The following TXNL1 variants were observed in gnomAD, a reference collection of about 807,000 sequenced individuals.
The protein encoded by TXNL1 is thioredoxin-like protein 1.
TXNL1 carries 14 observed loss-of-function variants against 35.5 expected under a neutral mutation model. That is an observed-to-expected ratio of 0.39 (90% CI 0.26 to 0.62). The LOEUF is 0.62. TXNL1 is among the 20% of genes least tolerant of loss of function. The pLI is 0.47. For synonymous variants in TXNL1, 110 were observed against 115.5 expected (o/e 0.95, Z 0.31); for missense variants, 263 against 349.7 (o/e 0.75, Z 1.98).
intron 7 of TXNL1, among the ~76,000 whole-genome samples, chr18:56,606,471 T>A (rs2023895409): frequency 6.6e-6 from 1 of 152,204 alleles, no homozygotes. Context: ...ACATGTGACT[T>A]GTCCTTGAAC....
intron 3 of TXNL1, among the ~76,000 whole-genome samples, chr18:56,619,368 T>C (rs2024143520): frequency 6.6e-6 from 1 of 151,600 alleles, no homozygotes; most frequent in Non-Finnish European, 1.5e-5. Context: ...TGAAACTCTG[T>C]CTCTACTAAA....
intron 1 of TXNL1, among the ~76,000 whole-genome samples, chr18:56,632,115 ATTAGCT>A (rs1430067897): frequency 1.3e-5 from 2 of 152,166 alleles, no homozygotes; most frequent in Non-Finnish European, 2.9e-5. Flanking sequence ...TTGAAAGAGC[ATTAGCT>A]TCTTTTTAAT....
chr18:56,624,561 T>A, intron 2 of TXNL1, 100 bp from the exon 3 acceptor site: 1 of 1,276,486 alleles, frequency 7.8e-7, no homozygotes, highest in Non-Finnish European at 1.1e-6. Flanking sequence ...AAGCATGAAC[T>A]AAAAACATGT....
chr18:56,617,871 T>C, intron 4 of TXNL1, 133 bp downstream of exon 4: 1 of 1,225,508 alleles, frequency 8.2e-7, no homozygotes, highest in Non-Finnish European at 1.1e-6. Context: ...TCAAAGAAAC[T>C]AAAAGCTATA....
intron 5 of TXNL1, 146 bp from the exon 6 acceptor site, chr18:56,614,742 G>A (rs1017650247): frequency 4.2e-6 from 3 of 715,584 alleles, no homozygotes; most frequent in Admixed American, 3.4e-5. Context: ...TTGTACAAAA[G>A]TCTGAGTATT....
intron 3 of TXNL1, among the ~76,000 whole-genome samples, chr18:56,619,788 C>G (rs1258214622): frequency 6.6e-6 from 1 of 151,866 alleles, no homozygotes; most frequent in African/African-American, 2.4e-5. Flanking sequence ...TTCCAATGTT[C>G]CCTTATTAAG....
intron 6 of TXNL1, among the ~76,000 whole-genome samples, chr18:56,613,232 A>T (rs2024026277): frequency 6.6e-6 from 1 of 152,204 alleles, no homozygotes; most frequent in African/African-American, 2.4e-5. Flanking sequence ...CTTCTAATTT[A>T]CAAAAATAGA....
chr18:56,612,545 C>G (rs185505277), intron 6 of TXNL1, among the ~76,000 whole-genome samples: 1 of 152,100 alleles, frequency 6.6e-6, no homozygotes, highest in African/African-American at 2.4e-5. Context: ...AATATTGCAC[C>G]TATCTCTTTT....
intron 1 of TXNL1, among the ~76,000 whole-genome samples, chr18:56,626,797 C>CTTTTTTTTTTTTTTTTTTTTTTTTT (rs386387792): frequency 7.3e-5 from 4 of 55,010 alleles, no homozygotes; most frequent in African/African-American, 2.7e-4. Context: ...CCAAGCCGGT[C>CTTTTTTTTTTTTTTTTTTTTTTTTT]TTTTTTTTTT....
chr18:56,620,633 C>A (rs114866336), intron 3 of TXNL1, among the ~76,000 whole-genome samples: 1 of 152,158 alleles, frequency 6.6e-6, no homozygotes, highest in African/African-American at 2.4e-5. Flanking sequence ...AGAAAAGTAT[C>A]CATTTTATCT....
intron 1 of TXNL1, among the ~76,000 whole-genome samples, chr18:56,629,618 C>T (rs1294540803): frequency 4.6e-5 from 7 of 152,248 alleles, no homozygotes; most frequent in Non-Finnish European, 8.8e-5. Context: ...CAGAGACAGG[C>T]ACAATGAACA....
chr18:56,609,768 T>A (rs1568099524), intron 7 of TXNL1: 1 of 152,220 alleles, frequency 6.6e-6, no homozygotes, highest in Non-Finnish European at 1.5e-5. Context: ...AAAATGTAGA[T>A]GCTTAATCTC....
chr18:56,629,645 C>G (rs2024340298), intron 1 of TXNL1, among the ~76,000 whole-genome samples: 1 of 152,116 alleles, frequency 6.6e-6, no homozygotes, highest in Non-Finnish European at 1.5e-5. Context: ...ATCCATAATT[C>G]TGCATCCTTT....
At chr18:56,617,922 T>C in intron 4 of TXNL1, 82 bp downstream of exon 4, 1 of 1,532,410 alleles carries the variant, frequency 6.5e-7, no homozygotes, top group Non-Finnish European at 8.9e-7. Context: ...AGGAGAGACG[T>C]AAGCCACAAA....
chr18:56,616,597 G>A lies in TXNL1; in HGVS notation c.493-283C>T, dbSNP rs74350432. 2.8e-3 allele frequency among the ~76,000 whole-genome samples: 424 copies of A among 152,224 alleles called. 6 individuals carry two copies. The East Asian group carries it at 0.037, about 13-fold the overall frequency. On this transcript the variant is annotated intron_variant, in intron 4 of 7. Transcript: ENST00000217515. ...GTAAGGTCTTATGAGCTATAAACTG[G>A]CAAGCAACCTGCTTTCTAACAAATC...
At chr18:56,632,767 T>C (rs2024395266) in intron 1 of TXNL1, among the ~76,000 whole-genome samples, 1 of 152,212 alleles carries the variant, frequency 6.6e-6, no homozygotes, top group Non-Finnish European at 1.5e-5. Flanking sequence ...TAATGATCTA[T>C]TTCTTGCACA....
chr18:56,634,445 A>C (rs1037626652), intron 1 of TXNL1, among the ~76,000 whole-genome samples: 1 of 152,234 alleles, frequency 6.6e-6, no homozygotes, highest in African/African-American at 2.4e-5. Context: ...TGAGGAATGA[A>C]TTGAGTCAAT....
rs1163795105 is a variant in TXNL1, at chr18:56,600,564, G to A, written c.*2463C>T. 6.6e-6 allele frequency: 1 copy of A among 151,418 alleles called. No homozygotes were observed. The highest frequency in any genetic ancestry group is 6.6e-5 in the Admixed American group (1 of 15,162). 9.4% of individuals were successfully genotyped at this position (151,418 alleles called of 1,614,324 possible). A position where few individuals can be genotyped will look rare whatever the true frequency, so the allele number is the denominator to read the frequency against. On this transcript the variant is annotated 3_prime_UTR_variant, in exon 8 of 8. Transcript: ENST00000217515. Reference sequence around the variant, plus strand: ...CAGGTTTCAACTCTAATTGTTATGTGGCTGCCTCCAACAGTATATTGAGAC... The same window carrying A: ...CAGGTTTCAACTCTAATTGTTATGTAGCTGCCTCCAACAGTATATTGAGAC...
Position 56,638,477 on chromosome 18 carries a change from C to G in TXNL1, c.-37G>C, listed in dbSNP as rs1440979360. 6.3e-7 allele frequency: 1 copy of G among 1,593,952 alleles called. No homozygotes were observed. Among genetic ancestry groups the G allele is most frequent in the East Asian group, 2.3e-5 (1 of 44,294 alleles). ...GCCCGGCAGGGTGGCCGCGACGCCACTGGCTTTGAAACTGAAGGAGAAGAC... is the reference window on the plus strand; with the variant it reads ...GCCCGGCAGGGTGGCCGCGACGCCAGTGGCTTTGAAACTGAAGGAGAAGAC... On this transcript the variant is annotated 5_prime_UTR_variant, in exon 1 of 8. Coordinates refer to ENST00000217515, the MANE Select transcript of TXNL1 (RefSeq NM_004786.3).
Sources: allele counts gnomAD v4.1 joint callset (sites outside exome capture counted in the v4.1 genomes callset), GRCh38; gene constraint gnomAD v4.1.1; transcripts MANE v1.5; gene names NCBI Gene and HGNC (gene_info 2026-07-23, HGNC 2026-07-21).